RAG1: variants seen among roughly 807,000 people sequenced by gnomAD.
RAG1 encodes recombination activating 1, also known as V(D)J recombination-activating protein 1.
A neutral mutation model predicts 62.7 loss-of-function variants in RAG1; 35 were observed. The ratio of observed to expected loss-of-function variants is 0.56; its 90% confidence interval spans 0.43 to 0.74. RAG1 has a LOEUF of 0.74. Among genes scored for constraint, RAG1 ranks in the 30% least tolerant of loss-of-function variants. The pLI is 0.00. For synonymous variants in RAG1, 461 were observed against 470.3 expected (o/e 0.98, Z 0.26); for missense variants, 1,169 against 1,278.6 (o/e 0.91, Z 1.31).
chr11:36,566,384 T>A (rs1484396884), upstream of RAG1: 2 of 152,244 alleles, frequency 1.3e-5, no homozygotes, highest in African/African-American at 4.8e-5. Context: ...TGAAGCCTGA[T>A]CCTTGAACTT....
rs760237407 is a variant in RAG1, at chr11:36,573,919, C to T, written c.615C>T (p.His205=). 1 of 1,614,090 alleles carries T rather than the reference C, an allele frequency of 6.2e-7. No individual in the cohort carries two copies. The highest frequency in any genetic ancestry group is 8.5e-7 in the Non-Finnish European group (1 of 1,180,018). The stretch of plus-strand genomic sequence containing the variant: ...CGAGGAACGTGACCATGGAGTGGCA[C>T]CCCCACACACCATCCTGTGACATCT... ...YFPRNVTMEW[H]PHTPSCDICN... Residue 205 remains histidine, a synonymous_variant, in exon 2 of 2, where the codon CAC becomes CAT. Transcript: ENST00000299440.
chr11:36,559,152 A>C (rs1026355060), intron 3 of RAG1, among the ~76,000 whole-genome samples: 1 of 152,030 alleles, frequency 6.6e-6, no homozygotes, highest in Non-Finnish European at 1.5e-5. Context: ...TTCTTTTAGC[A>C]CTTTGACTAT....
chr11:36,530,116 T>A (rs1860230575), intron 2 of RAG1, among the ~76,000 whole-genome samples: 1 of 152,036 alleles, frequency 6.6e-6, no homozygotes, highest in Admixed American at 6.6e-5. Flanking sequence ...CAGAGTTGTT[T>A]GTTTTTATTC....
Position 36,576,715 on chromosome 11 carries a change from C to A in RAG1, c.*279C>A, listed in dbSNP as rs1850858531. ...GTAACTGCAGGGGACCAGAGATGAG[C>A]AAAGATCTGTGTGTGTTGGGGAGCT... On this transcript the variant is annotated 3_prime_UTR_variant, in exon 2 of 2. Coordinates refer to ENST00000299440, the MANE Select transcript of RAG1 (RefSeq NM_000448.3). 4.4e-6 allele frequency: 2 copies of A among 459,664 alleles called. No individual in the cohort carries two copies. The highest frequency in any genetic ancestry group is 4.1e-6 in the Non-Finnish European group (1 of 242,418). 28.5% of individuals were successfully genotyped at this position (459,664 alleles called of 1,614,324 possible).
chr11:36,550,044 C>A (rs186916745), intron 3 of RAG1, among the ~76,000 whole-genome samples: 7 of 152,254 alleles, frequency 4.6e-5, no homozygotes, highest in African/African-American at 1.7e-4. Flanking sequence ...TGTTCTCACT[C>A]ATAAGTGGGA....
downstream of RAG1, among the ~76,000 whole-genome samples, chr11:36,540,306 G>A (rs1044030757): frequency 2.6e-5 from 4 of 152,140 alleles, no homozygotes; most frequent in Non-Finnish European, 5.9e-5. Flanking sequence ...TTTACTCACC[G>A]ATGTCACTTG....
intron 1 of RAG1, among the ~76,000 whole-genome samples, chr11:36,568,733 A>G (rs1341579370): frequency 6.6e-6 from 1 of 152,184 alleles, no homozygotes; most frequent in African/African-American, 2.4e-5. Context: ...GAGAATTGCC[A>G]TGGTAGAGAC....
At chr11:36,562,990 C>T (rs1349347659) in intron 3 of RAG1, among the ~76,000 whole-genome samples, 1 of 152,096 alleles carries the variant, frequency 6.6e-6, no homozygotes, top group East Asian at 1.9e-4. Flanking sequence ...TTCACCTGGT[C>T]ATTCATTTGT....
intron 1 of RAG1, among the ~76,000 whole-genome samples, chr11:36,568,695 G>A (rs144872922): frequency 4.6e-5 from 7 of 152,234 alleles, no homozygotes; most frequent in South Asian, 2.1e-4. Context: ...AAACAAACTC[G>A]CTCATGATTC....
Position 36,575,263 on chromosome 11 carries a change from G to A in RAG1, c.1959G>A (p.Leu653=). The A allele has an allele frequency of 6.2e-7, 1 of 1,614,226 alleles. No homozygotes were observed. Among genetic ancestry groups the A allele is most frequent in the Non-Finnish European group, 8.5e-7 (1 of 1,180,038 alleles). The change falls in exon 2 of 2, where the codon CTG becomes CTA. Residue 653 remains leucine (L), a synonymous_variant. Transcript: ENST00000299440. This position sits in a 1 kb window ranked among gnomAD's most constrained non-coding sequence, Gnocchi z 4.1. ...VFEEAKPNSE[L]CCKPLCLMLA... is the part of the protein sequence containing the mutation. Reference sequence around the variant, plus strand: ...AAGAAGCCAAACCTAACTCTGAACTGTGTTGCAAGCCATTGTGCCTTATGC... The same window carrying A: ...AAGAAGCCAAACCTAACTCTGAACTATGTTGCAAGCCATTGTGCCTTATGC...
Position 36,576,155 on chromosome 11 carries a change from G to A in RAG1, c.2851G>A (p.Glu951Lys). The change falls in exon 2 of 2, where the codon GAG (glutamate) becomes AAG (lysine). Residue 951 changes from glutamate (E) to lysine (K), a missense_variant. Transcript: ENST00000299440. The part of the protein sequence containing the change: ...KTLAHVPEII[E>K]RDGSIGAWAS... Reference sequence around the variant, plus strand: ...CCTGGCCCATGTTCCTGAAATTATTGAGAGGGATGGCTCCATTGGGGCATG... The same window carrying A: ...CCTGGCCCATGTTCCTGAAATTATTAAGAGGGATGGCTCCATTGGGGCATG... 1 of 1,614,106 alleles carries A rather than the reference G, an allele frequency of 6.2e-7. No individual in the cohort carries two copies. The highest frequency in any genetic ancestry group is 8.5e-7 in the Non-Finnish European group (1 of 1,180,016).
At chr11:36,535,683 T>C (rs1860315955) in intron 2 of RAG1, among the ~76,000 whole-genome samples, 1 of 152,028 alleles carries the variant, frequency 6.6e-6, no homozygotes, top group Admixed American at 6.6e-5. Flanking sequence ...AGGTGGATGT[T>C]GCAGTGAGCC....
In RAG1 at chr11:36,573,560, A is replaced by G; in HGVS notation, c.256A>G (p.Lys86Glu). ...TCAGCCATTGTTAAAAGCCCACCCT[A>G]AGTTTTCAAAGAAATTTCACGACAA... is the stretch of plus-strand genomic sequence containing the variant. ...PTQPLLKAHP[K>E]FSKKFHDNEK... The change falls in exon 2 of 2, where the codon AAG becomes GAG. Residue 86 changes from lysine (K) to glutamate (E), a missense_variant. Physicochemically the swap from Lys to Glu is moderately conservative, Grantham distance 56. Coordinates refer to ENST00000299440, the MANE Select transcript of RAG1 (RefSeq NM_000448.3). 6.2e-7 allele frequency: 1 copy of G among 1,613,986 alleles called. No homozygotes were observed. The highest frequency in any genetic ancestry group is 8.5e-7 in the Non-Finnish European group (1 of 1,179,882).
chr11:36,557,491 C>G (rs1850520434), intron 3 of RAG1, among the ~76,000 whole-genome samples: 1 of 148,914 alleles, frequency 6.7e-6, no homozygotes, highest in African/African-American at 2.6e-5. Flanking sequence ...CGCGCACACA[C>G]TGGCCTGCGC....
chr11:36,565,733 T>C (rs944652026), upstream of RAG1: 18 of 152,238 alleles, frequency 1.2e-4, no homozygotes, highest in African/African-American at 4.3e-4. Flanking sequence ...AAAATGTTAG[T>C]GTCCAGAGGG....
At chr11:36,562,485 G>A (rs1415594857) in intron 3 of RAG1, among the ~76,000 whole-genome samples, 2 of 152,176 alleles carry the variant, frequency 1.3e-5, no homozygotes, top group East Asian at 3.9e-4. Flanking sequence ...AAGAGGTGGG[G>A]CTAGAATTTA....
chr11:36,564,081 A>G (rs145589374), upstream of RAG1, among the ~76,000 whole-genome samples: 13 of 152,344 alleles, frequency 8.5e-5, no homozygotes, highest in Non-Finnish European at 1.6e-4. Context: ...CTGATTAGAA[A>G]GGATATTTAG....
At position 36,548,588 on chromosome 11, in the gene RAG1, G is replaced by A. The variant is rs542509452; in HGVS notation, c.-412+12554G>A. Among the ~76,000 whole-genome samples, 9 of 152,212 alleles carry A rather than the reference G, an allele frequency of 5.9e-5. 1 individual carries two copies. The highest frequency in any genetic ancestry group is 5.9e-4 in the Admixed American group (9 of 15,278). On this transcript the variant is annotated intron_variant and NMD_transcript_variant, in intron 3 of 9. Transcript: ENST00000534663. ...AAGAGATGTGAAGGACCTCTTCAAGGAGAACTACAAACCACTGCTCAAGGA... is the reference window on the plus strand; with the variant it reads ...AAGAGATGTGAAGGACCTCTTCAAGAAGAACTACAAACCACTGCTCAAGGA...
In RAG1 at chr11:36,576,462, T is replaced by C; in HGVS notation, c.*26T>C. ...GTAGGGCAACCACTTATGAGTTGGT[T>C]TTTGCAATTGAGTTTCCCTCTGGGT... On this transcript the variant is annotated 3_prime_UTR_variant, in exon 2 of 2. Coordinates refer to ENST00000299440, the MANE Select transcript of RAG1 (RefSeq NM_000448.3). 1 of 1,613,440 alleles carries C rather than the reference T, an allele frequency of 6.2e-7. No homozygotes were observed. Among genetic ancestry groups the C allele is most frequent in the East Asian group, 2.2e-5 (1 of 44,882 alleles).
Sources: gnomAD v4.1 joint callset for allele counts (sites outside exome capture counted in the v4.1 genomes callset) on GRCh38, gnomAD v4.1.1 for gene constraint, Gnocchi (gnomAD v3.1) non-coding constraint, MANE v1.5 for transcripts, NCBI Gene and HGNC (gene_info 2026-07-23, HGNC 2026-07-21) for gene names.